Variants in ASNS observed in about 807,000 individuals in gnomAD.
ASNS encodes asparagine synthetase (glutamine-hydrolyzing), also known as asparagine synthetase [glutamine-hydrolyzing].
A neutral mutation model predicts 62.6 loss-of-function variants in ASNS; 37 were observed. The ratio of observed to expected loss-of-function variants is 0.59; its 90% confidence interval spans 0.45 to 0.78. The LOEUF is 0.78. Ranked by LOEUF, ASNS falls within the 30% of genes least tolerant of loss-of-function variation. The probability of loss-of-function intolerance (pLI) is 0.00; values close to 1 mark genes in which losing one functional copy is unlikely to be tolerated. For missense variants in ASNS, 520 were observed against 682.4 expected, an observed-to-expected ratio of 0.76 and a Z score of 2.65; for synonymous variants, 207 against 237.9, an observed-to-expected ratio of 0.87 and a Z score of 1.19.
At chr7:97,905,687 C>G in the ASNS span, among the ~76,000 whole-genome samples, 1 of 152,226 alleles carries the variant, frequency 6.6e-6, no homozygotes, top group South Asian at 2.1e-4. Context: ...GGAGAAGCAT[C>G]CTTCTCCTTT....
the ASNS span, chr7:97,908,500 A>C: frequency 3.3e-5 from 5 of 152,042 alleles, no homozygotes; most frequent in East Asian, 9.7e-4. Context: ...TCCCAGGCTT[A>C]AGCAATTCTC....
At chr7:97,897,361 G>T in the ASNS span, among the ~76,000 whole-genome samples, 2 of 152,224 alleles carry the variant, frequency 1.3e-5, no homozygotes, top group Non-Finnish European at 2.9e-5. Context: ...TCATGGTGAA[G>T]ATGCCAAACG....
chr7:97,907,646 G>A, the ASNS span, among the ~76,000 whole-genome samples: 2 of 152,142 alleles, frequency 1.3e-5, no homozygotes, highest in South Asian at 4.2e-4. Context: ...GCGGGCGCCT[G>A]TAGTCCCAGC....
the ASNS span, among the ~76,000 whole-genome samples, chr7:97,879,465 T>C: frequency 2.0e-5 from 3 of 152,310 alleles, no homozygotes; most frequent in African/African-American, 7.2e-5. Flanking sequence ...ATGTAGTGAT[T>C]ATGTTAGATA....
chr7:97,915,530 C>T, the ASNS span, among the ~76,000 whole-genome samples: 4 of 151,990 alleles, frequency 2.6e-5, no homozygotes, highest in East Asian at 1.9e-4. Context: ...AAGGATGACA[C>T]GCACAGAAAC....
chr7:97,854,654 C>T lies in ASNS; in HGVS notation c.1164G>A (p.Glu388=), dbSNP rs200290689. 4.2e-4 allele frequency: 684 copies of T among 1,614,100 alleles called. 4 individuals carry two copies. Among genetic ancestry groups the T allele is most frequent in the Non-Finnish European group, 2.6e-4 (301 of 1,180,012 alleles). ...HKAPSPEKAE[E]ESERLLRELY... ...GTTCCCTCAGAAGCCTCTCACTCTC[C>T]TCCTCGGCTTTTTCAGGAGAAGGAG... is the stretch of plus-strand genomic sequence containing the variant. Residue 388 remains glutamate (E), a synonymous_variant, in exon 10 of 13, where the codon GAG becomes GAA. Transcript: ENST00000394308.
chr7:97,911,898 T>C, the ASNS span, among the ~76,000 whole-genome samples: 1 of 152,142 alleles, frequency 6.6e-6, no homozygotes, highest in Non-Finnish European at 1.5e-5. Context: ...CCTTCCTCAC[T>C]AGTAAATGTG....
At chr7:97,897,505 A>C in the ASNS span, among the ~76,000 whole-genome samples, 19 of 152,252 alleles carry the variant, frequency 1.2e-4, no homozygotes, top group Non-Finnish European at 2.6e-4. Flanking sequence ...GTTTATGAAA[A>C]AATATTCAAC....
chr7:97,896,310 C>T, the ASNS span, among the ~76,000 whole-genome samples: 3 of 151,840 alleles, frequency 2.0e-5, no homozygotes. Context: ...TGCAAAGAGG[C>T]CGGGCGAGGT....
intron 8 of ASNS, 82 bp from the exon 9 acceptor site, chr7:97,855,541 T>C: frequency 1.3e-5 from 13 of 1,020,044 alleles, no homozygotes; most frequent in South Asian, 1.2e-4. Flanking sequence ...TTGGAAATAA[T>C]TGAAAGCTTT....
chr7:97,899,616 G>A, the ASNS span, among the ~76,000 whole-genome samples: 1 of 152,104 alleles, frequency 6.6e-6, no homozygotes. Context: ...ATCCTCCCAT[G>A]CCCCTACCAG....
the ASNS span, chr7:97,912,999 C>G: frequency 6.6e-6 from 1 of 152,002 alleles, no homozygotes; most frequent in African/African-American, 2.4e-5. Context: ...TTTTCATTTT[C>G]AAAGAGCTCT....
At chr7:97,897,021 C>G in the ASNS span, among the ~76,000 whole-genome samples, 1 of 151,384 alleles carries the variant, frequency 6.6e-6, no homozygotes, top group Non-Finnish European at 1.5e-5. Context: ...CAAAAATAAA[C>G]TCAAAATCAA....
At chr7:97,887,284 C>T in the ASNS span, among the ~76,000 whole-genome samples, 9 of 152,306 alleles carry the variant, frequency 5.9e-5, no homozygotes, top group African/African-American at 2.2e-4. Flanking sequence ...CAGTCAGGCC[C>T]CCATTGCCTG....
the ASNS span, chr7:97,906,364 A>G: frequency 3.0e-6 from 1 of 334,784 alleles, no homozygotes; most frequent in Non-Finnish European, 5.7e-6. Context: ...GACTCAGCCT[A>G]GAAGTAAAGA....
chr7:97,865,321 G>C (rs1302148668), intron 3 of ASNS, among the ~76,000 whole-genome samples: 1 of 152,172 alleles, frequency 6.6e-6, no homozygotes, highest in African/African-American at 2.4e-5. Flanking sequence ...TTGATTAAAA[G>C]GTTACTATAC....
At chr7:97,925,136 T>C in the ASNS span, among the ~76,000 whole-genome samples, 1 of 151,960 alleles carries the variant, frequency 6.6e-6, no homozygotes, top group African/African-American at 2.4e-5. Context: ...GACTCCATCT[T>C]TAAAAAACAT....
the ASNS span, among the ~76,000 whole-genome samples, chr7:97,880,933 G>GTTTTT: frequency 2.0e-4 from 13 of 63,892 alleles, no homozygotes; most frequent in African/African-American, 1.1e-3. Flanking sequence ...GTGTGTGTGT[G>GTTTTT]TTTTTGTTTT....
the ASNS span, among the ~76,000 whole-genome samples, chr7:97,926,869 A>AT: frequency 6.6e-6 from 1 of 151,986 alleles, no homozygotes; most frequent in South Asian, 2.1e-4. Flanking sequence ...GCATTTTAAC[A>AT]TGGAGATTCT....
Sources: gnomAD v4.1 joint callset for allele counts (sites outside exome capture counted in the v4.1 genomes callset) on GRCh38, gnomAD v4.1.1 for gene constraint, MANE v1.5 for transcripts, NCBI Gene and HGNC (gene_info 2026-07-23, HGNC 2026-07-21) for gene names.